The following DGKD variants were observed in gnomAD, a reference collection of about 807,000 sequenced individuals.
DGKD encodes DAG kinase delta.
Under a neutral mutation model 154.4 loss-of-function variants are expected in DGKD, and 68 were observed. The ratio of observed to expected loss-of-function variants is 0.44; its 90% confidence interval spans 0.36 to 0.54. DGKD has a LOEUF of 0.54. DGKD is among the 20% of genes least tolerant of loss of function. DGKD has a pLI of 0.00. For synonymous variants in DGKD, 693 were observed against 638.0 expected (o/e 1.09, Z -1.30); for missense variants, 1,343 against 1,593.6 (o/e 0.84, Z 2.68).
At chr2:233,437,946 G>A (rs758396955) in intron 8 of DGKD, among the ~76,000 whole-genome samples, 8 of 152,188 alleles carry the variant, frequency 5.3e-5, no homozygotes, top group East Asian at 3.9e-4. Flanking sequence ...GGGGATGTGG[G>A]GTACATGGCT....
chr2:233,388,472 GATCTGTT>G, intron 2 of DGKD, 105 bp downstream of exon 2: 1 of 1,118,486 alleles, frequency 8.9e-7, no homozygotes, highest in South Asian at 1.6e-5. Flanking sequence ...TCAATTCTCA[GATCTGTT>G]ATTGCCAGTG....
chr2:233,452,142 GA>G lies in DGKD; in HGVS notation c.2264+85del. The G allele has an allele frequency of 7.6e-7, 1 of 1,320,104 alleles. No individual in the cohort carries two copies. Among genetic ancestry groups the G allele is most frequent in the Non-Finnish European group, 1.1e-6 (1 of 919,064 alleles). 81.8% of individuals were successfully genotyped at this position (1,320,104 alleles called of 1,614,324 possible). ...AAAACAGATCTCAGGATTAACTAGA[GA>G]AATTAGTGAGCAGTTGCCCAGCTGG... On this transcript the variant is annotated intron_variant, in intron 18 of 29. Coordinates refer to ENST00000264057, the MANE Select transcript of DGKD (RefSeq NM_152879.3). The surrounding 1 kb of genome is among the most constrained non-coding windows in gnomAD (Gnocchi z 4.0).
At chr2:233,421,738 T>G (rs2062121914) in intron 3 of DGKD, among the ~76,000 whole-genome samples, 1 of 152,244 alleles carries the variant, frequency 6.6e-6, no homozygotes, top group African/African-American at 2.4e-5. Context: ...GTCTCCCGTT[T>G]TTCCATAGGG....
At chr2:233,462,556 G>A in intron 25 of DGKD, 87 bp from the exon 26 acceptor site, 1 of 1,530,010 alleles carries the variant, frequency 6.5e-7, no homozygotes, top group Non-Finnish European at 9.0e-7. Flanking sequence ...CCCGGTGCAT[G>A]TTCGGCCCTC....
At chr2:233,390,559 A>G (rs1370436854) in intron 3 of DGKD, 76 bp downstream of exon 3, 1 of 1,100,050 alleles carries the variant, frequency 9.1e-7, no homozygotes, top group Non-Finnish European at 1.4e-6. Flanking sequence ...CATGTGTCCA[A>G]GCAGTTCAAA....
chr2:233,413,655 T>C (rs2061886113), intron 3 of DGKD, among the ~76,000 whole-genome samples: 1 of 152,212 alleles, frequency 6.6e-6, no homozygotes, highest in African/African-American at 2.4e-5. Context: ...TTGGCACCTC[T>C]GGGAAGCATT....
intron 1 of DGKD, among the ~76,000 whole-genome samples, chr2:233,374,935 C>T (rs2125405881): frequency 6.6e-6 from 1 of 152,316 alleles, no homozygotes; most frequent in South Asian, 2.1e-4. Context: ...TCCCAAAGTG[C>T]TGAGATTACA....
chr2:233,383,981 G>A (rs1703032867), intron 1 of DGKD, among the ~76,000 whole-genome samples: 1 of 152,066 alleles, frequency 6.6e-6, no homozygotes, highest in Non-Finnish European at 1.5e-5. Context: ...TCTGTAGCCG[G>A]TAAAAATGCA....
intron 1 of DGKD, among the ~76,000 whole-genome samples, chr2:233,370,247 T>G (rs979073260): frequency 6.6e-6 from 1 of 152,216 alleles, no homozygotes; most frequent in African/African-American, 2.4e-5. Context: ...ACAGTCTTGC[T>G]CTTTCTCTCA....
chr2:233,396,110 A>G (rs903308728), intron 3 of DGKD, among the ~76,000 whole-genome samples: 3 of 152,114 alleles, frequency 2.0e-5, no homozygotes, highest in African/African-American at 4.8e-5. Context: ...GTATTTCCCA[A>G]TGTTGGTGTT....
chr2:233,408,201 C>T (rs1275680934), intron 3 of DGKD, among the ~76,000 whole-genome samples: 1 of 152,146 alleles, frequency 6.6e-6, no homozygotes, highest in African/African-American at 2.4e-5. Context: ...TACCACTACA[C>T]CTGGCAAACT....
chr2:233,395,092 TTTC>T (rs1012439609), intron 3 of DGKD, among the ~76,000 whole-genome samples: 1 of 152,238 alleles, frequency 6.6e-6, no homozygotes, highest in African/African-American at 2.4e-5. Flanking sequence ...CTTCAGCCAT[TTTC>T]TGCTGTCAGG....
chr2:233,371,584 G>A (rs574726338), intron 1 of DGKD, among the ~76,000 whole-genome samples: 2 of 152,242 alleles, frequency 1.3e-5, no homozygotes, highest in African/African-American at 4.8e-5. Flanking sequence ...CGTGCTTTTG[G>A]TGTTATGCTT....
chr2:233,436,257 G>A, intron 6 of DGKD, 59 bp from the exon 7 acceptor site: 3 of 1,606,378 alleles, frequency 1.9e-6, no homozygotes, highest in South Asian at 2.2e-5. Flanking sequence ...GCATTTCCTG[G>A]CTGCCCTGGA....
chr2:233,450,523 A>G (rs2063241308), intron 16 of DGKD, among the ~76,000 whole-genome samples: 2 of 152,012 alleles, frequency 1.3e-5, no homozygotes, highest in Non-Finnish European at 2.9e-5. Flanking sequence ...CCCTCCTGGA[A>G]CAGCCCACAG....
At chr2:233,384,848 G>C (rs1338788623) in intron 1 of DGKD, among the ~76,000 whole-genome samples, 2 of 152,156 alleles carry the variant, frequency 1.3e-5, no homozygotes, top group East Asian at 3.9e-4. Flanking sequence ...CCAGGGAGCA[G>C]CTGCCGGCCT....
rs1168353420 is a variant in DGKD at position 233,411,033 on chromosome 2, A to AT, written c.348+20555dup. 2.6e-5 allele frequency among the ~76,000 whole-genome samples: 4 copies of AT among 151,494 alleles called. No individual in the cohort carries two copies. In the East Asian group the frequency reaches 7.7e-4, roughly 29 times the overall value. On this transcript the variant is annotated intron_variant, in intron 3 of 29. Transcript: ENST00000264057. ...TTTCACTCAGCATAATGGTTTTGAG[A>AT]TTTTTCATGTTACGAATATCAGTAG... is the stretch of plus-strand genomic sequence containing the variant.
chr2:233,450,569 A>G (rs985604414), intron 16 of DGKD, among the ~76,000 whole-genome samples: 6 of 152,098 alleles, frequency 3.9e-5, no homozygotes, highest in Admixed American at 6.5e-5. Context: ...CAGCCTGTGC[A>G]GGCTGCTGGG....
chr2:233,364,843 A>G (rs760384902), intron 1 of DGKD, among the ~76,000 whole-genome samples: 14 of 152,232 alleles, frequency 9.2e-5, no homozygotes, highest in Non-Finnish European at 2.1e-4. Flanking sequence ...ATGGGATACA[A>G]AAGCAAATCC....
Sources: gnomAD v4.1 joint callset for allele counts (sites outside exome capture counted in the v4.1 genomes callset) on GRCh38, gnomAD v4.1.1 for gene constraint, Gnocchi (gnomAD v3.1) non-coding constraint, MANE v1.5 for transcripts, NCBI Gene and HGNC (gene_info 2026-07-23, HGNC 2026-07-21) for gene names.